Variants in TRPM3 observed in about 807,000 individuals in gnomAD.
The protein encoded by TRPM3 is transient receptor potential cation channel subfamily M member 3.
In TRPM3, 77 loss-of-function variants were observed where a neutral mutation model predicts 181.2. The observed-to-expected ratio is 0.42, with a 90% CI of 0.35 to 0.51. The LOEUF (loss-of-function observed/expected upper bound fraction) is 0.51, where lower values mean the gene tolerates loss of function less well. Among genes scored for constraint, TRPM3 ranks in the 20% least tolerant of loss-of-function variants. TRPM3 has a pLI of 0.01. For synonymous variants in TRPM3, 745 were observed against 796.4 expected (o/e 0.94, Z 1.09); for missense variants, 1,759 against 2,196.7 (o/e 0.80, Z 3.98).
chr9:70,739,313 G>C (rs1268487379), intron 8 of TRPM3, among the ~76,000 whole-genome samples: 1 of 152,188 alleles, frequency 6.6e-6, no homozygotes, highest in East Asian at 1.9e-4. Flanking sequence ...GGGATGCAAG[G>C]ATGGTACAAC....
intron 1 of TRPM3, among the ~76,000 whole-genome samples, chr9:70,962,324 G>T (rs1408427935): frequency 2.6e-5 from 4 of 151,940 alleles, no homozygotes; most frequent in Non-Finnish European, 4.4e-5. Flanking sequence ...CTTCCCTAAA[G>T]GATCATAGTA....
chr9:71,210,780 C>T (rs7040166), intron 1 of TRPM3, among the ~76,000 whole-genome samples: 1,539 of 152,240 alleles, frequency 0.01, 27 homozygotes, highest in African/African-American at 0.035. Flanking sequence ...TCTTACAATT[C>T]GGGAGGATGA....
intron 1 of TRPM3, among the ~76,000 whole-genome samples, chr9:71,169,445 G>A (rs1056071280): frequency 2.8e-4 from 43 of 152,138 alleles, no homozygotes; most frequent in Non-Finnish European, 4.4e-5. Flanking sequence ...ATTATGTGCA[G>A]AATGTGGCTA....
At chr9:71,387,185 A>C (rs889943195) in intron 1 of TRPM3, among the ~76,000 whole-genome samples, 1 of 152,198 alleles carries the variant, frequency 6.6e-6, no homozygotes, top group Non-Finnish European at 1.5e-5. Flanking sequence ...ATGGTTTCCT[A>C]ATTATGGATG....
intron 1 of TRPM3, among the ~76,000 whole-genome samples, chr9:71,096,102 G>A (rs951638890): frequency 1.3e-5 from 2 of 151,876 alleles, no homozygotes; most frequent in Non-Finnish European, 1.5e-5. Flanking sequence ...TCTGGAGGAC[G>A]AAGTATGATT....
At chr9:71,245,734 T>C (rs983660086) in intron 1 of TRPM3, among the ~76,000 whole-genome samples, 5 of 151,994 alleles carry the variant, frequency 3.3e-5, no homozygotes, top group African/African-American at 1.2e-4. Flanking sequence ...ATAAGGGACT[T>C]TGGAAAAGGG....
At chr9:71,262,667 A>T (rs1440836991) in intron 1 of TRPM3, among the ~76,000 whole-genome samples, 1 of 152,078 alleles carries the variant, frequency 6.6e-6, no homozygotes, top group Non-Finnish European at 1.5e-5. Flanking sequence ...TGGTGTAGGC[A>T]CCCGAGGGAA....
intron 1 of TRPM3, among the ~76,000 whole-genome samples, chr9:71,130,581 T>C (rs1260981567): frequency 6.6e-6 from 1 of 152,160 alleles, no homozygotes; most frequent in African/African-American, 2.4e-5. Context: ...CTTGAAGCTA[T>C]TAAGTTAGAA....
intron 1 of TRPM3, among the ~76,000 whole-genome samples, chr9:71,233,282 A>G (rs2081179838): frequency 6.6e-6 from 1 of 152,200 alleles, no homozygotes; most frequent in Non-Finnish European, 1.5e-5. Context: ...ATGCTTCATT[A>G]TTTTTAAAGC....
At chr9:71,220,956 C>A (rs1189933497) in intron 1 of TRPM3, among the ~76,000 whole-genome samples, 3 of 152,024 alleles carry the variant, frequency 2.0e-5, no homozygotes, top group Non-Finnish European at 4.4e-5. Flanking sequence ...TCTTTTGGGG[C>A]CCCTCACATA....
chr9:70,601,933 G>A (rs1401916252), intron 20 of TRPM3, among the ~76,000 whole-genome samples: 1 of 152,072 alleles, frequency 6.6e-6, no homozygotes, highest in Non-Finnish European at 1.5e-5. Context: ...ACAGCCACAG[G>A]GCCCCAGCAG....
chr9:70,659,391 C>G (rs1295297927), intron 9 of TRPM3, among the ~76,000 whole-genome samples: 1 of 152,132 alleles, frequency 6.6e-6, no homozygotes, highest in African/African-American at 2.4e-5. Flanking sequence ...ATTGACCCAA[C>G]TCATAGGTAT....
At chr9:70,985,761 G>A (rs2097414164) in intron 1 of TRPM3, among the ~76,000 whole-genome samples, 1 of 152,062 alleles carries the variant, frequency 6.6e-6, no homozygotes, top group South Asian at 2.1e-4. Context: ...GATTTAACAA[G>A]GGAAGGGAAA....
chr9:71,235,259 C>G (rs183791622), intron 1 of TRPM3, among the ~76,000 whole-genome samples: 1 of 152,340 alleles, frequency 6.6e-6, no homozygotes, highest in East Asian at 1.9e-4. Flanking sequence ...CTTCCTTGAC[C>G]ACACACTCTG....
intron 1 of TRPM3, among the ~76,000 whole-genome samples, chr9:71,428,721 A>G (rs77476599): frequency 0.01 from 1,542 of 152,280 alleles, 21 homozygotes; most frequent in African/African-American, 0.035. Flanking sequence ...TTGCCTAATG[A>G]AAAACATATA....
chr9:70,977,570 T>A (rs2097317155), intron 1 of TRPM3, among the ~76,000 whole-genome samples: 1 of 152,220 alleles, frequency 6.6e-6, no homozygotes, highest in Non-Finnish European at 1.5e-5. Flanking sequence ...CTATCTGAAG[T>A]TAGCACAGAC....
intron 1 of TRPM3, among the ~76,000 whole-genome samples, chr9:71,256,031 A>T (rs1428055432): frequency 1.3e-5 from 2 of 152,216 alleles, no homozygotes; most frequent in African/African-American, 4.8e-5. Context: ...TGACATATTC[A>T]GTAAGGATTT....
At chr9:71,194,805 GA>G (rs1023832439) in intron 1 of TRPM3, among the ~76,000 whole-genome samples, 14 of 142,978 alleles carry the variant, frequency 9.8e-5, no homozygotes, top group Admixed American at 1.4e-4. Flanking sequence ...ATTTTAAAAA[GA>G]AAAAAAAAAG....
intron 6 of TRPM3, 111 bp from the exon 7 acceptor site, chr9:70,784,390 G>C: frequency 8.3e-7 from 1 of 1,205,492 alleles, no homozygotes; most frequent in Non-Finnish European, 1.1e-6. Context: ...ACTGAGCACG[G>C]GGGAGGTAGC....
Sources: gnomAD v4.1 joint callset for allele counts (sites outside exome capture counted in the v4.1 genomes callset) on GRCh38, gnomAD v4.1.1 for gene constraint, MANE v1.5 for transcripts, NCBI Gene and HGNC (gene_info 2026-07-23, HGNC 2026-07-21) for gene names.